POLR1A: variants seen among roughly 807,000 people sequenced by gnomAD.
The protein encoded by POLR1A is DNA-directed RNA polymerase I subunit RPA1.
Under a neutral mutation model 205.3 loss-of-function variants are expected in POLR1A, and 84 were observed. The observed-to-expected ratio is 0.41, with a 90% CI of 0.34 to 0.49. The LOEUF (loss-of-function observed/expected upper bound fraction) is 0.49. Among genes scored for constraint, POLR1A ranks in the 20% least tolerant of loss-of-function variants. The pLI is 0.22. For missense variants in POLR1A, 1,645 were observed against 2,204.5 expected, an observed-to-expected ratio of 0.75 and a Z score of 5.08; for synonymous variants, 799 against 863.7, an observed-to-expected ratio of 0.93 and a Z score of 1.31.
intron 6 of POLR1A, among the ~76,000 whole-genome samples, chr2:86,084,332 G>A (rs750295804): frequency 2.0e-5 from 3 of 151,690 alleles, no homozygotes; most frequent in Non-Finnish European, 4.4e-5. Flanking sequence ...CAGGAGAATC[G>A]CTTGAACCTG....
chr2:86,049,793 A>T (rs1672770452), intron 16 of POLR1A, among the ~76,000 whole-genome samples: 2 of 152,214 alleles, frequency 1.3e-5, no homozygotes, highest in Non-Finnish European at 2.9e-5. Flanking sequence ...GCATTGCTTC[A>T]GGAGGATGAC....
intron 23 of POLR1A, among the ~76,000 whole-genome samples, chr2:86,042,512 G>C (rs1672627595): frequency 6.6e-6 from 1 of 152,190 alleles, no homozygotes; most frequent in African/African-American, 2.4e-5. Context: ...GTGCCCTCAA[G>C]GCTGTCCCAA....
intron 13 of POLR1A, chr2:86,065,711 A>T (rs1441120015): frequency 2.2e-6 from 1 of 449,156 alleles, no homozygotes; most frequent in Non-Finnish European, 3.9e-6. Context: ...ACTGCTTCAA[A>T]CTCATCCCGT....
intron 1 of POLR1A, among the ~76,000 whole-genome samples, chr2:86,102,081 A>G (rs1041045744): frequency 2.6e-5 from 4 of 152,220 alleles, no homozygotes; most frequent in African/African-American, 9.6e-5. Context: ...TATTGTGAAT[A>G]ATGCTGCTAT....
At chr2:86,090,134 C>T (rs1673575562) in intron 3 of POLR1A, among the ~76,000 whole-genome samples, 1 of 152,106 alleles carries the variant, frequency 6.6e-6, no homozygotes, top group Admixed American at 6.6e-5. Context: ...TGGCTCACAC[C>T]TGTAATCCCA....
At chr2:86,088,710 C>T (rs1322490305) in intron 5 of POLR1A, 41 bp from the exon 6 acceptor site, 4 of 1,601,422 alleles carry the variant, frequency 2.5e-6, no homozygotes, top group Non-Finnish European at 3.4e-6. Flanking sequence ...AGAAAAAACC[C>T]AGTAAGATAT....
chr2:86,098,027 C>A (rs1482653200), intron 3 of POLR1A, among the ~76,000 whole-genome samples: 1 of 151,922 alleles, frequency 6.6e-6, no homozygotes, highest in African/African-American at 2.4e-5. Context: ...TGTGTTAATA[C>A]AAAAAAAGAC....
In POLR1A at chr2:86,028,605, AAC is replaced by A. The variant is rs1672313489; in HGVS notation, c.4884_4885del (p.Phe1629CysfsTer17). 6.2e-7 allele frequency: 1 copy of A among 1,613,382 alleles called. No individual in the cohort carries two copies. Among genetic ancestry groups the A allele is most frequent in the Non-Finnish European group, 8.5e-7 (1 of 1,179,270 alleles). Reference sequence around the variant, plus strand: ...CAAGCTCCCCTTACCATACACGGCAAACACATCCTTGATCTCCTTCTCGATCA... The same window carrying A: ...CAAGCTCCCCTTACCATACACGGCAAACATCCTTGATCTCCTTCTCGATCA... On this transcript the variant is annotated frameshift_variant, in exon 32 of 34. Transcript: ENST00000263857. LOFTEE classifies it high-confidence loss of function. This position sits in a 1 kb window ranked among gnomAD's most constrained non-coding sequence, Gnocchi z 4.5.
At chr2:86,077,817 A>G (rs748781285) in intron 11 of POLR1A, 42 bp downstream of exon 11, 516 of 13,486 alleles carry the variant, frequency 0.038, 5 homozygotes, top group Middle Eastern at 0.091. Flanking sequence ...GCGCGCACAC[A>G]CACACACACA....
chr2:86,053,031 T>C, intron 15 of POLR1A, 31 bp from the exon 16 acceptor site: 1 of 1,509,126 alleles, frequency 6.6e-7, no homozygotes, highest in Admixed American at 2.0e-5. Flanking sequence ...AATGCCGGGC[T>C]GCGGGTGATG....
chr2:86,068,937 A>G (rs1673129995), intron 13 of POLR1A, among the ~76,000 whole-genome samples: 1 of 152,196 alleles, frequency 6.6e-6, no homozygotes. Flanking sequence ...AGCCCCTGGC[A>G]CTCCCTGTGC....
intron 1 of POLR1A, among the ~76,000 whole-genome samples, chr2:86,101,820 C>A (rs1483326475): frequency 6.6e-6 from 1 of 152,168 alleles, no homozygotes; most frequent in African/African-American, 2.4e-5. Context: ...CTGCTACCAT[C>A]ATTTTACTTT....
intron 6 of POLR1A, 130 bp downstream of exon 6, chr2:86,088,436 C>T (rs1673542251): frequency 6.2e-6 from 4 of 643,586 alleles, no homozygotes; most frequent in South Asian, 3.7e-5. Flanking sequence ...GAGGCCTGCA[C>T]ACTGTGCCTC....
intron 13 of POLR1A, among the ~76,000 whole-genome samples, chr2:86,069,800 T>C (rs1673144329): frequency 6.6e-6 from 1 of 152,150 alleles, no homozygotes; most frequent in African/African-American, 2.4e-5. Context: ...ACAATTTCTG[T>C]CCTGATTTAC....
At chr2:86,103,194 A>G (rs1007389185) in intron 1 of POLR1A, among the ~76,000 whole-genome samples, 1 of 152,218 alleles carries the variant, frequency 6.6e-6, no homozygotes, top group Non-Finnish European at 1.5e-5. Flanking sequence ...TGGTCCTAGA[A>G]GCCCACTAAG....
intron 3 of POLR1A, among the ~76,000 whole-genome samples, chr2:86,093,743 C>T (rs1573835275): frequency 6.6e-6 from 1 of 152,098 alleles, no homozygotes; most frequent in African/African-American, 2.4e-5. Context: ...GGTGGGAGAT[C>T]GCTTGAACCC....
rs1673781206 is a variant in POLR1A at position 86,099,878 on chromosome 2, AACC to A, written c.282+87_282+89del. On this transcript the variant is annotated intron_variant, in intron 2 of 33. Transcript: ENST00000263857. ...GCTTTCATTGGAGTGCCTGGGGCTTAACCTCCTTAGACCACTCTTGTGGGAGAG... is the reference window on the plus strand; with the variant it reads ...GCTTTCATTGGAGTGCCTGGGGCTTATCCTTAGACCACTCTTGTGGGAGAG... 2.8e-6 allele frequency: 3 copies of A among 1,078,914 alleles called. No homozygotes were observed. The East Asian group carries it at 7.2e-5, about 26-fold the overall frequency. 66.8% of individuals were successfully genotyped at this position (1,078,914 alleles called of 1,614,324 possible). A position where few individuals can be genotyped will look rare whatever the true frequency, so the allele number is the denominator to read the frequency against.
chr2:86,087,605 C>T (rs1573832044), intron 6 of POLR1A, among the ~76,000 whole-genome samples: 2 of 152,320 alleles, frequency 1.3e-5, no homozygotes, highest in South Asian at 2.1e-4. Context: ...TGCGGTGGCA[C>T]GATCTCAGCT....
At position 86,070,299 on chromosome 2, in the gene POLR1A, A is replaced by T; in HGVS notation, c.1612-27T>A. Reference sequence around the variant, plus strand: ...TGGGAACAGAGTGGACAGGTGGGTGATCAGTGCAAACGTCAGTATCACCAC... The same window carrying T: ...TGGGAACAGAGTGGACAGGTGGGTGTTCAGTGCAAACGTCAGTATCACCAC... On this transcript the variant is annotated intron_variant, in intron 12 of 33. Coordinates refer to ENST00000263857, the MANE Select transcript of POLR1A (RefSeq NM_015425.6). The surrounding 1 kb of genome is among the most constrained non-coding windows in gnomAD (Gnocchi z 4.4). The T allele has an allele frequency of 3.2e-6, 5 of 1,586,278 alleles. No individual in the cohort carries two copies. The highest frequency in any genetic ancestry group is 4.3e-6 in the Non-Finnish European group (5 of 1,164,004).
Sources: gnomAD v4.1 joint callset for allele counts (sites outside exome capture counted in the v4.1 genomes callset) on GRCh38, gnomAD v4.1.1 for gene constraint, Gnocchi (gnomAD v3.1) non-coding constraint, MANE v1.5 for transcripts, NCBI Gene and HGNC (gene_info 2026-07-23, HGNC 2026-07-21) for gene names.